PTPRD: variants seen among roughly 807,000 people sequenced by gnomAD.
PTPRD encodes the protein receptor-type tyrosine-protein phosphatase delta.
Under a neutral mutation model 214.5 loss-of-function variants are expected in PTPRD, and 34 were observed. That is an observed-to-expected ratio of 0.16 (90% CI 0.12 to 0.21). PTPRD has a LOEUF of 0.21. PTPRD is among the 10% of genes least tolerant of loss of function. The pLI, the probability that PTPRD is intolerant of heterozygous loss-of-function variation, is 1.00. For synonymous variants in PTPRD, 1,128 were observed against 845.7 expected, an observed-to-expected ratio of 1.33 and a Z score of -5.79; for missense variants, 2,545 against 2,398.7, an observed-to-expected ratio of 1.06 and a Z score of -1.27.
At position 9,578,238 on chromosome 9, in the gene PTPRD, G is replaced by A. The variant is rs777685365; in HGVS notation, c.-286-3457C>T. Among the ~76,000 whole-genome samples, 4 of 151,926 alleles carry A rather than the reference G, an allele frequency of 2.6e-5. No individual in the cohort carries two copies. In the South Asian group the frequency reaches 6.2e-4, roughly 24 times the overall value. On this transcript the variant is annotated intron_variant, in intron 7 of 45. Coordinates refer to ENST00000381196, the MANE Select transcript of PTPRD (RefSeq NM_002839.4). ...TGAATAAGACATTCTTCAGAGTTGT[G>A]TTTGAATGATTTTCAAATTACTACA... is the stretch of plus-strand genomic sequence containing the variant.
At chr9:8,860,839 A>G (rs1433108511) in intron 11 of PTPRD, 1 of 152,234 alleles carries the variant, frequency 6.6e-6, no homozygotes, top group Non-Finnish European at 1.5e-5. Context: ...TGCCAGAAGC[A>G]GGACAAGAAC....
intron 11 of PTPRD, among the ~76,000 whole-genome samples, chr9:8,803,849 G>A (rs7870940): frequency 6.6e-6 from 1 of 151,784 alleles, no homozygotes; most frequent in Non-Finnish European, 1.5e-5. Flanking sequence ...AAAGCCATGT[G>A]CAAAACCTAT....
At chr9:9,760,849 G>A (rs1780590528) in intron 6 of PTPRD, among the ~76,000 whole-genome samples, 1 of 152,094 alleles carries the variant, frequency 6.6e-6, no homozygotes, top group African/African-American at 2.4e-5. Context: ...AATTCAATGA[G>A]ATATCAGTAT....
intron 12 of PTPRD, among the ~76,000 whole-genome samples, chr9:8,649,931 T>C (rs1161508829): frequency 6.6e-6 from 1 of 152,154 alleles, no homozygotes; most frequent in East Asian, 1.9e-4. Flanking sequence ...ATTTGTTTTT[T>C]TGTTGAGACA....
At chr9:9,989,032 AAAAAAAAAAAAAAC>A (rs1271542883) in intron 4 of PTPRD, among the ~76,000 whole-genome samples, 5 of 142,156 alleles carry the variant, frequency 3.5e-5, no homozygotes, top group African/African-American at 1.5e-4. Context: ...AAAAAAAAAA[AAAAAAAAAAAAAAC>A]CACAGACTTT....
At chr9:9,205,984 G>C (rs1178942242) in intron 9 of PTPRD, among the ~76,000 whole-genome samples, 1 of 152,112 alleles carries the variant, frequency 6.6e-6, no homozygotes, top group Non-Finnish European at 1.5e-5. Flanking sequence ...ATTTTATCTT[G>C]GGTTTTAAGA....
At chr9:8,498,976 T>C (rs1401772530) in intron 25 of PTPRD, among the ~76,000 whole-genome samples, 1 of 152,228 alleles carries the variant, frequency 6.6e-6, no homozygotes, top group Non-Finnish European at 1.5e-5. Context: ...TGCAAACCAC[T>C]GCCCTAAGAT....
chr9:9,046,779 A>G, intron 10 of PTPRD, among the ~76,000 whole-genome samples: 1 of 152,194 alleles, frequency 6.6e-6, no homozygotes, highest in East Asian at 1.9e-4. Context: ...ATGTATCAGT[A>G]TATCTGTTTA....
chr9:8,956,290 A>G (rs1315412611), intron 11 of PTPRD, among the ~76,000 whole-genome samples: 1 of 151,928 alleles, frequency 6.6e-6, no homozygotes, highest in Non-Finnish European at 1.5e-5. Context: ...TATAAAGCAC[A>G]AAGTGATTTT....
At chr9:10,285,217 G>A (rs561462999) in intron 3 of PTPRD, among the ~76,000 whole-genome samples, 25 of 152,116 alleles carry the variant, frequency 1.6e-4, no homozygotes, top group African/African-American at 5.8e-4. Flanking sequence ...ACTTGCATAC[G>A]ATACTGTAAG....
chr9:9,192,626 A>ATTTTATT (rs2099935932), intron 9 of PTPRD, among the ~76,000 whole-genome samples: 1 of 152,128 alleles, frequency 6.6e-6, no homozygotes, highest in Non-Finnish European at 1.5e-5. Context: ...AAACAAATAG[A>ATTTTATT]GAGTCCATTA....
Position 8,507,342 on chromosome 9 carries a change from T to C in PTPRD, c.1636A>G (p.Asn546Asp). 1 of 1,614,034 alleles carries C rather than the reference T, an allele frequency of 6.2e-7. No homozygotes were observed. The highest frequency in any genetic ancestry group is 8.5e-7 in the Non-Finnish European group (1 of 1,179,886). ...CCATCTTTGTAGACCAGTTCATAGT[T>C]GGCAATGGTATCTGAACGTGGAGGT... ...WTPPRSDTIA[N>D]YELVYKDGEH... Residue 546 changes from asparagine (N) to aspartate (D), a missense_variant, in exon 22 of 46, where the codon AAC becomes GAC. Transcript: ENST00000381196.
intron 9 of PTPRD, among the ~76,000 whole-genome samples, chr9:9,367,716 A>G (rs753271147): frequency 2.0e-5 from 3 of 151,654 alleles, no homozygotes; most frequent in Non-Finnish European, 3.0e-5. Flanking sequence ...AATAGCTCCA[A>G]TTTCCTGGGT....
At chr9:10,372,745 A>C (rs1040145140) in intron 2 of PTPRD, among the ~76,000 whole-genome samples, 1 of 151,908 alleles carries the variant, frequency 6.6e-6, no homozygotes, top group East Asian at 1.9e-4. Context: ...GTTCTTGTTA[A>C]TGTTTATATG....
In PTPRD at chr9:9,570,574, T is replaced by G. The variant is rs1158204693; in HGVS notation, c.-237+4158A>C. Among the ~76,000 whole-genome samples, 6 of 151,662 alleles carry G rather than the reference T, an allele frequency of 4.0e-5. No individual in the cohort carries two copies. In the South Asian group the frequency reaches 1.2e-3, roughly 31 times the overall value. ...TCAGATAAGCTCATTATTTATCTTT[T>G]TGGAATGGCTGGTGGAGGATAAGAA... On this transcript the variant is annotated intron_variant, in intron 8 of 45. Coordinates refer to ENST00000381196, the MANE Select transcript of PTPRD (RefSeq NM_002839.4).
At chr9:9,358,303 C>T (rs2054644767) in intron 9 of PTPRD, among the ~76,000 whole-genome samples, 1 of 151,068 alleles carries the variant, frequency 6.6e-6, no homozygotes, top group African/African-American at 2.4e-5. Context: ...TATTACTTTT[C>T]CAGGTAATGA....
chr9:8,592,365 G>A (rs2094171351), intron 14 of PTPRD, among the ~76,000 whole-genome samples: 1 of 152,254 alleles, frequency 6.6e-6, no homozygotes, highest in South Asian at 2.1e-4. Context: ...CACCTGGTGT[G>A]TCAGTGATAA....
In PTPRD at chr9:8,338,847, C is replaced by CAGAGAG. The variant is rs4008208; in HGVS notation, c.5379+69_5379+74dup. ...ACAGTCAAGTGGCAAGTGCTTCTCC[C>CAGAGAG]AGAGAGAGAGAGAGAGAGGTATCTT... On this transcript the variant is annotated intron_variant, in intron 43 of 45. Coordinates refer to ENST00000381196, the MANE Select transcript of PTPRD (RefSeq NM_002839.4). 3.6e-3 allele frequency: 3,831 copies of CAGAGAG among 1,077,362 alleles called. 46 individuals are homozygous for CAGAGAG. In the African/African-American group the frequency reaches 0.046, roughly 13 times the overall value. 66.7% of individuals were successfully genotyped at this position (1,077,362 alleles called of 1,614,324 possible).
At chr9:10,106,721 A>G (rs1454374261) in intron 3 of PTPRD, among the ~76,000 whole-genome samples, 4 of 152,072 alleles carry the variant, frequency 2.6e-5, no homozygotes, top group Non-Finnish European at 2.9e-5. Context: ...TAAAATAAAA[A>G]CGTGTCTTTC....
Sources: gnomAD v4.1 joint callset for allele counts (sites outside exome capture counted in the v4.1 genomes callset) on GRCh38, gnomAD v4.1.1 for gene constraint, MANE v1.5 for transcripts, NCBI Gene and HGNC (gene_info 2026-07-23, HGNC 2026-07-21) for gene names.